The following TMEM131L variants were observed in gnomAD, a reference collection of about 807,000 sequenced individuals.
TMEM131L encodes the protein transmembrane 131 like.
TMEM131L carries 54 observed loss-of-function variants against 192.2 expected under a neutral mutation model. The ratio of observed to expected loss-of-function variants is 0.28; its 90% CI spans 0.23 to 0.35. The LOEUF (loss-of-function observed/expected upper bound fraction) is 0.35. TMEM131L is among the 10% of genes least tolerant of loss of function. The pLI is 1.00. For missense variants in TMEM131L, 1,888 were observed against 1,972.9 expected, an observed-to-expected ratio of 0.96 and a Z score of 0.82; for synonymous variants, 701 against 704.9, an observed-to-expected ratio of 0.99 and a Z score of 0.09.
chr4:153,591,112 C>T lies in TMEM131L; in HGVS notation c.1730C>T (p.Ser577Phe). Reference protein sequence around the residue: ...AHLKKSKESESFVFFLPRLIA... With the variant: ...AHLKKSKESEFFVFFLPRLIA... ...TTGAAGAAATCCAAGGAGTCAGAGT[C>T]CTTTGTTTTCTTTTTGCCTCGTTTG... is the stretch of plus-strand genomic sequence containing the variant. The change falls in exon 17 of 35, where the codon TCC (serine) becomes TTC (phenylalanine). Residue 577 changes from serine (S) to phenylalanine (F), a missense_variant. Physicochemically the swap from Ser to Phe is radical, Grantham distance 155. Coordinates refer to ENST00000409959, the MANE Select transcript of TMEM131L (RefSeq NM_001131007.2). 6.2e-7 allele frequency: 1 copy of T among 1,611,020 alleles called. No homozygotes were observed. Among genetic ancestry groups the T allele is most frequent in the East Asian group, 2.2e-5 (1 of 44,624 alleles).
intron 9 of TMEM131L, among the ~76,000 whole-genome samples, chr4:153,582,808 G>GGT (rs1362176909): frequency 1.3e-5 from 2 of 152,026 alleles, no homozygotes; most frequent in Non-Finnish European, 2.9e-5. Context: ...TTCCAAATGT[G>GGT]GTTATCCAAA....
chr4:153,509,632 A>T (rs1270036941), intron 3 of TMEM131L, among the ~76,000 whole-genome samples: 1 of 152,170 alleles, frequency 6.6e-6, no homozygotes, highest in Admixed American at 6.5e-5. Context: ...AGGAGGAGGA[A>T]CGAGAATTGC....
Position 153,636,644 on chromosome 4 carries a change from A to C in TMEM131L, c.*68A>C. ...TTTTGATTACTAGTGTAAACTGGTTATTGAGATAGATTATGACATTGGTGG... is the reference window on the plus strand; with the variant it reads ...TTTTGATTACTAGTGTAAACTGGTTCTTGAGATAGATTATGACATTGGTGG... On this transcript the variant is annotated 3_prime_UTR_variant, in exon 35 of 35. Transcript: ENST00000409959. The C allele has an allele frequency of 1.4e-6, 2 of 1,452,396 alleles. No homozygotes were observed. The highest frequency in any genetic ancestry group is 1.9e-6 in the Non-Finnish European group (2 of 1,063,028). 90.0% of individuals were successfully genotyped at this position (1,452,396 alleles called of 1,614,324 possible). A position where few individuals can be genotyped will look rare whatever the true frequency, so the allele number is the denominator to read the frequency against.
rs7680394 is a variant in TMEM131L, at chr4:153,576,505, A to G, written c.661-4321A>G. On this transcript the variant is annotated intron_variant, in intron 7 of 34. Transcript: ENST00000409959. ...GATTTACTAAGAATGACAAAATATT[A>G]GGCTTTAAATCATAGCAAATTACTC... Among the ~76,000 whole-genome samples the G allele has an allele frequency of 2.7e-3, 405 of 152,348 alleles. 1 individual carries two copies. Among genetic ancestry groups the G allele is most frequent in the African/African-American group, 9.6e-3 (398 of 41,588 alleles).
intron 7 of TMEM131L, among the ~76,000 whole-genome samples, chr4:153,569,281 C>T (rs549282886): frequency 6.6e-6 from 1 of 152,282 alleles, no homozygotes; most frequent in Admixed American, 6.5e-5. Context: ...TGGACCTGTT[C>T]CTCCTTCCCC....
At chr4:153,501,670 G>C (rs776969018) in intron 3 of TMEM131L, among the ~76,000 whole-genome samples, 14 of 152,218 alleles carry the variant, frequency 9.2e-5, no homozygotes, top group Non-Finnish European at 1.8e-4. Flanking sequence ...TATCAGTTAG[G>C]ATTAGGACCA....
chr4:153,469,290 A>T (rs959232976), intron 2 of TMEM131L, among the ~76,000 whole-genome samples: 81 of 119,730 alleles, frequency 6.8e-4, no homozygotes, highest in African/African-American at 3.3e-3. Context: ...TGCCCTGCTT[A>T]TACCTGGGCC....
chr4:153,577,940 T>C (rs1264519724), intron 7 of TMEM131L, among the ~76,000 whole-genome samples: 3 of 152,030 alleles, frequency 2.0e-5, no homozygotes, highest in African/African-American at 4.8e-5. Flanking sequence ...GGGGAATCGA[T>C]GTGGGAGGGT....
At chr4:153,598,853 A>G (rs1170722279) in intron 21 of TMEM131L, 121 bp downstream of exon 21, 20 of 786,110 alleles carry the variant, frequency 2.5e-5, no homozygotes, top group Non-Finnish European at 3.6e-5. Context: ...CTAAAAATTT[A>G]TAGTAAATTC....
intron 18 of TMEM131L, 67 bp downstream of exon 18, chr4:153,592,651 T>G: frequency 9.4e-7 from 1 of 1,066,530 alleles, no homozygotes; most frequent in East Asian, 2.4e-5. Context: ...TTACTTAATG[T>G]CCTACACTTT....
chr4:153,576,370 T>C (rs1057322620), intron 7 of TMEM131L, among the ~76,000 whole-genome samples: 1 of 152,198 alleles, frequency 6.6e-6, no homozygotes, highest in Non-Finnish European at 1.5e-5. Flanking sequence ...CCTTGTGGGA[T>C]TCTGAAATAT....
rs145420158 is a variant in TMEM131L at position 153,538,957 on chromosome 4, C to T, written c.240-11116C>T. 3.2e-3 allele frequency among the ~76,000 whole-genome samples: 488 copies of T among 152,244 alleles called. 4 individuals carry two copies. Among genetic ancestry groups the T allele is most frequent in the African/African-American group, 0.011 (462 of 41,532 alleles). On this transcript the variant is annotated intron_variant, in intron 3 of 34. Transcript: ENST00000409959. ...TTCACCCCATTTGCTGGAACTTAGT[C>T]CCGTGGCCGTACCCAGATGCAGAGA...
At chr4:153,497,171 G>A (rs1393302961) in intron 3 of TMEM131L, among the ~76,000 whole-genome samples, 3 of 152,072 alleles carry the variant, frequency 2.0e-5, no homozygotes, top group Non-Finnish European at 2.9e-5. Context: ...CAAGATTTTC[G>A]AAGGGAATGT....
At chr4:153,587,889 C>A in intron 15 of TMEM131L, 78 bp downstream of exon 15, 2 of 984,146 alleles carry the variant, frequency 2.0e-6, no homozygotes, top group South Asian at 1.3e-5. Flanking sequence ...TAGCATTTGT[C>A]AATGGAATAA....
At chr4:153,496,453 G>A (rs1158322397) in intron 3 of TMEM131L, among the ~76,000 whole-genome samples, 1 of 152,128 alleles carries the variant, frequency 6.6e-6, no homozygotes, top group Non-Finnish European at 1.5e-5. Context: ...AGCCCCACAG[G>A]GATTTCAGTA....
At chr4:153,537,150 C>T (rs1253701415) in intron 3 of TMEM131L, among the ~76,000 whole-genome samples, 1 of 152,130 alleles carries the variant, frequency 6.6e-6, no homozygotes, top group Non-Finnish European at 1.5e-5. Flanking sequence ...CAGTATTAAC[C>T]ATCACAGGGT....
intron 29 of TMEM131L, among the ~76,000 whole-genome samples, chr4:153,624,107 T>A (rs1733651270): frequency 6.6e-6 from 1 of 151,196 alleles, no homozygotes. Flanking sequence ...TCACTCAGTT[T>A]TTTTTTTTTT....
chr4:153,466,405 G>T lies in TMEM131L; in HGVS notation c.8G>T (p.Gly3Val), dbSNP rs745913297. ...AGGAGCGCGAGCAGCAGCATGGCGG[G>T]GCTCCGACGCCCGCAGCCCGGCTGC... The part of the protein sequence containing the change: MA[G>V]LRRPQPGCYC... The change falls in exon 1 of 35, where the codon GGG becomes GTG. Residue 3 changes from glycine (G) to valine (V), a missense_variant. Physicochemically the swap from Gly to Val is moderately radical, Grantham distance 109. Transcript: ENST00000409959. The T allele has an allele frequency of 1.6e-4, 220 of 1,343,502 alleles. 1 individual carries two copies. The highest frequency in any genetic ancestry group is 1.9e-4 in the Non-Finnish European group (202 of 1,042,360). The allele number at this position is 1,343,502 out of a possible 1,614,324, so 83.2% of individuals were successfully genotyped here. A position where few individuals can be genotyped will look rare whatever the true frequency, so the allele number is the denominator to read the frequency against.
intron 7 of TMEM131L, among the ~76,000 whole-genome samples, chr4:153,561,536 G>A (rs959209065): frequency 3.3e-5 from 5 of 152,138 alleles, no homozygotes; most frequent in African/African-American, 1.2e-4. Context: ...TTAAGTTTTA[G>A]CATATGGTGT....
Sources: gnomAD v4.1 joint callset for allele counts (sites outside exome capture counted in the v4.1 genomes callset) on GRCh38, gnomAD v4.1.1 for gene constraint, MANE v1.5 for transcripts, NCBI Gene and HGNC (gene_info 2026-07-23, HGNC 2026-07-21) for gene names.